GAB2: variants seen among roughly 807,000 people sequenced by gnomAD.
The protein encoded by GAB2 is GRB2 associated binding protein 2, also known as GRB2-associated-binding protein 2.
Under a neutral mutation model 65.5 loss-of-function variants are expected in GAB2, and 26 were observed. That is an observed-to-expected ratio of 0.40 (90% CI 0.29 to 0.55). The LOEUF (loss-of-function observed/expected upper bound fraction) is 0.55. GAB2 is among the 20% of genes least tolerant of loss of function. The pLI, the probability that GAB2 is intolerant of heterozygous loss-of-function variation, is 0.53. For missense variants in GAB2, 884 were observed against 875.8 expected, an observed-to-expected ratio of 1.01 and a Z score of -0.12; for synonymous variants, 321 against 329.6, an observed-to-expected ratio of 0.97 and a Z score of 0.28.
intron 1 of GAB2, among the ~76,000 whole-genome samples, chr11:78,281,780 A>AG (rs1866342891): frequency 6.6e-6 from 1 of 152,234 alleles, no homozygotes. Context: ...ATGACACTTT[A>AG]GAGCAACTAT....
chr11:78,315,163 A>G (rs1391501507), intron 1 of GAB2, among the ~76,000 whole-genome samples: 2 of 152,224 alleles, frequency 1.3e-5, no homozygotes, highest in African/African-American at 4.8e-5. Context: ...TGAGTGAATT[A>G]TAAACACACT....
intron 3 of GAB2, among the ~76,000 whole-genome samples, chr11:78,248,437 A>G (rs1286867784): frequency 1.3e-5 from 2 of 152,240 alleles, no homozygotes; most frequent in African/African-American, 4.8e-5. Context: ...GACCTAGGCC[A>G]GGCTTACTGA....
At chr11:78,313,692 T>G (rs1488831695) in intron 1 of GAB2, among the ~76,000 whole-genome samples, 1 of 152,214 alleles carries the variant, frequency 6.6e-6, no homozygotes, top group Non-Finnish European at 1.5e-5. Flanking sequence ...ATTACTGCCA[T>G]AGTCACTACA....
chr11:78,379,078 T>C (rs1856667042), intron 1 of GAB2, among the ~76,000 whole-genome samples: 1 of 152,230 alleles, frequency 6.6e-6, no homozygotes, highest in Non-Finnish European at 1.5e-5. Context: ...GTTCGTTACA[T>C]ACAAGGAAAA....
intron 2 of GAB2, among the ~76,000 whole-genome samples, chr11:78,253,290 A>G (rs562272286): frequency 1.3e-5 from 2 of 152,138 alleles, no homozygotes; most frequent in Admixed American, 1.3e-4. Context: ...CACCATGCCC[A>G]GTCAAAGCTC....
chr11:78,227,631 C>CAAAAAAA (rs55716895), intron 3 of GAB2, among the ~76,000 whole-genome samples: 14 of 106,122 alleles, frequency 1.3e-4, no homozygotes, highest in South Asian at 6.8e-4. Context: ...CCATTGCCAC[C>CAAAAAAA]AAAAAAAAAA....
chr11:78,260,361 A>G (rs1565130524), intron 2 of GAB2, among the ~76,000 whole-genome samples: 2 of 152,254 alleles, frequency 1.3e-5, no homozygotes, highest in African/African-American at 4.8e-5. Flanking sequence ...GCTTAGTGAC[A>G]CAGCACAGTT....
chr11:78,246,226 C>A (rs960699039), intron 3 of GAB2, among the ~76,000 whole-genome samples: 1 of 151,164 alleles, frequency 6.6e-6, no homozygotes, highest in Non-Finnish European at 1.5e-5. Context: ...GCCACAGTGT[C>A]CGGTGGCAGA....
At chr11:78,334,955 T>C (rs1855974310) in intron 1 of GAB2, among the ~76,000 whole-genome samples, 1 of 152,226 alleles carries the variant, frequency 6.6e-6, no homozygotes, top group Non-Finnish European at 1.5e-5. Flanking sequence ...TGAGGTGACA[T>C]ATCCCATTGT....
chr11:78,346,685 ATATATATATATATATATATATATATAT>A (rs1856186605), intron 1 of GAB2, among the ~76,000 whole-genome samples: 1 of 24,548 alleles, frequency 4.1e-5, no homozygotes, highest in African/African-American at 1.3e-4. Context: ...ATATATATAT[ATATATATATATATATATATATATATAT>A]ATATATATAA....
At chr11:78,361,645 T>TA (rs1357760479) in intron 1 of GAB2, among the ~76,000 whole-genome samples, 1 of 152,226 alleles carries the variant, frequency 6.6e-6, no homozygotes, top group Non-Finnish European at 1.5e-5. Context: ...AATGTTGACT[T>TA]ACAAAAGGAA....
At chr11:78,351,200 C>G (rs1856272432) in intron 1 of GAB2, among the ~76,000 whole-genome samples, 1 of 152,012 alleles carries the variant, frequency 6.6e-6, no homozygotes, top group Non-Finnish European at 1.5e-5. Flanking sequence ...TATTCTAGCC[C>G]TTGAGCCCAT....
intron 2 of GAB2, among the ~76,000 whole-genome samples, chr11:78,272,131 G>T (rs1441266412): frequency 2.0e-5 from 3 of 152,052 alleles, no homozygotes; most frequent in East Asian, 3.9e-4. Context: ...CCCAGTCTTG[G>T]GTATGTCTTT....
chr11:78,253,986 G>T (rs1213837192), intron 2 of GAB2, among the ~76,000 whole-genome samples: 1 of 152,186 alleles, frequency 6.6e-6, no homozygotes, highest in Non-Finnish European at 1.5e-5. Flanking sequence ...TGCTTTGGCT[G>T]TGAGTATGAA....
chr11:78,311,584 A>G (rs564843965), intron 1 of GAB2, among the ~76,000 whole-genome samples: 18 of 152,356 alleles, frequency 1.2e-4, no homozygotes, highest in African/African-American at 3.6e-4. Flanking sequence ...AAATTATTCA[A>G]TAAGTTTTCA....
At chr11:78,266,337 T>C (rs1161012925) in intron 2 of GAB2, among the ~76,000 whole-genome samples, 1 of 150,168 alleles carries the variant, frequency 6.7e-6, no homozygotes, top group African/African-American at 2.4e-5. Context: ...ATGCATCTCC[T>C]CCCCCAATCC....
intron 1 of GAB2, among the ~76,000 whole-genome samples, chr11:78,306,895 G>C (rs1855373047): frequency 6.6e-6 from 1 of 152,114 alleles, no homozygotes; most frequent in South Asian, 2.1e-4. Context: ...GTCACAGAAA[G>C]AGATAAAGTA....
At chr11:78,285,497 T>A (rs1271541103) in intron 1 of GAB2, among the ~76,000 whole-genome samples, 5 of 152,188 alleles carry the variant, frequency 3.3e-5, no homozygotes, top group African/African-American at 4.8e-5. Context: ...TTATATATAT[T>A]TTTAGAGTAC....
At chr11:78,311,401 G>GTTT (rs141675297) in intron 1 of GAB2, among the ~76,000 whole-genome samples, 1 of 150,038 alleles carries the variant, frequency 6.7e-6, no homozygotes, top group Admixed American at 6.6e-5. Flanking sequence ...TATAAAGGTT[G>GTTT]TTTTTTTTTC....
Sources: gnomAD v4.1 joint callset for allele counts (sites outside exome capture counted in the v4.1 genomes callset) on GRCh38, gnomAD v4.1.1 for gene constraint, MANE v1.5 for transcripts, NCBI Gene and HGNC (gene_info 2026-07-23, HGNC 2026-07-21) for gene names.